The following CEP55 variants were observed in gnomAD, a reference collection of about 807,000 sequenced individuals.
CEP55 encodes centrosomal protein of 55 kDa.
Under a neutral mutation model 63.2 loss-of-function variants are expected in CEP55, and 57 were observed. The observed-to-expected ratio is 0.90, with a 90% confidence interval of 0.73 to 1.13. The LOEUF (loss-of-function observed/expected upper bound fraction) is 1.13. Ranked by LOEUF, CEP55 falls within the 50% of genes most tolerant of loss-of-function variation. The pLI is 0.00. For synonymous variants in CEP55, 178 were observed against 191.6 expected (o/e 0.93, Z 0.59); for missense variants, 456 against 518.9 (o/e 0.88, Z 1.18).
chr10:93,516,730 T>A (rs560187602), intron 5 of CEP55, among the ~76,000 whole-genome samples: 7 of 152,350 alleles, frequency 4.6e-5, no homozygotes, highest in Non-Finnish European at 8.8e-5. Flanking sequence ...TTTTTAGTTC[T>A]TCTATTTGTG....
chr10:93,502,876 G>A (rs907068705), intron 2 of CEP55, among the ~76,000 whole-genome samples: 12 of 152,154 alleles, frequency 7.9e-5, no homozygotes, highest in South Asian at 2.1e-4. Flanking sequence ...TTGTGTCTGT[G>A]CTCATTTTTT....
At chr10:93,513,111 A>G (rs943888620) in intron 4 of CEP55, among the ~76,000 whole-genome samples, 8 of 152,222 alleles carry the variant, frequency 5.3e-5, no homozygotes, top group Admixed American at 3.9e-4. Context: ...TGGATATACA[A>G]TATCTCCACT....
intron 7 of CEP55, 138 bp from the exon 8 acceptor site, chr10:93,519,544 A>G (rs1194628821): frequency 2.0e-6 from 2 of 1,024,868 alleles, no homozygotes; most frequent in East Asian, 2.5e-5. Context: ...TTAACATTTC[A>G]TGGTGCTTAG....
Position 93,506,304 on chromosome 10 carries a change from C to CA in CEP55, c.460-682dup, listed in dbSNP as rs1445772042. Among the ~76,000 whole-genome samples, 3 of 152,122 alleles carry CA rather than the reference C, an allele frequency of 2.0e-5. No homozygotes were observed. In the East Asian group the frequency reaches 5.8e-4, roughly 29 times the overall value. On this transcript the variant is annotated intron_variant, in intron 3 of 8. Transcript: ENST00000371485. ...AAAAAAAATTTTACCTTTTGTTTGA[C>CA]AATTTAATGTCTTCTAGGTGTCATT...
At chr10:93,526,211 A>C (rs2057920108) in intron 8 of CEP55, among the ~76,000 whole-genome samples, 1 of 152,260 alleles carries the variant, frequency 6.6e-6, no homozygotes, top group South Asian at 2.1e-4. Flanking sequence ...TAATATCCAG[A>C]ATCTACAAAG....
intron 8 of CEP55, among the ~76,000 whole-genome samples, chr10:93,526,172 T>G (rs1253135122): frequency 1.3e-5 from 2 of 152,182 alleles, no homozygotes; most frequent in African/African-American, 4.8e-5. Context: ...GGGAGAAAAT[T>G]TTTGCAATCT....
intron 3 of CEP55, among the ~76,000 whole-genome samples, chr10:93,505,862 TAGA>T (rs1564762342): frequency 6.6e-6 from 1 of 151,362 alleles, no homozygotes. Context: ...TTTTTTTTTT[TAGA>T]TAGAATCTTG....
chr10:93,525,738 G>C (rs909454900), intron 8 of CEP55, among the ~76,000 whole-genome samples: 4 of 151,846 alleles, frequency 2.6e-5, no homozygotes, highest in African/African-American at 9.7e-5. Flanking sequence ...CCAAAACAGA[G>C]ATATAGACCA....
At chr10:93,510,302 C>T (rs1453480447) in intron 4 of CEP55, among the ~76,000 whole-genome samples, 2 of 152,132 alleles carry the variant, frequency 1.3e-5, no homozygotes, top group East Asian at 3.9e-4. Flanking sequence ...AAGCATAGAA[C>T]TTAGGGAAGA....
Position 93,503,342 on chromosome 10 carries a change from G to C in CEP55, c.413G>C (p.Arg138Pro). ...LKQQLSAATSRIAELESKTNT... is the reference protein window; with the variant it reads ...LKQQLSAATSPIAELESKTNT... ...CAACAGTTGTCTGCTGCAACCTCAC[G>C]AATTGCTGAACTTGAAAGCAAAACC... The change falls in exon 3 of 9, where the codon CGA (arginine) becomes CCA (proline). Residue 138 changes from arginine to proline, a missense_variant. Coordinates refer to ENST00000371485, the MANE Select transcript of CEP55 (RefSeq NM_018131.5). The C allele has an allele frequency of 7.4e-6, 12 of 1,614,118 alleles. No homozygotes were observed. The highest frequency in any genetic ancestry group is 9.3e-6 in the Non-Finnish European group (11 of 1,180,012).
At chr10:93,511,174 C>G (rs1383507027) in intron 4 of CEP55, among the ~76,000 whole-genome samples, 3 of 151,786 alleles carry the variant, frequency 2.0e-5, no homozygotes, top group Non-Finnish European at 4.4e-5. Context: ...CTCCTGACCT[C>G]GTGATCTGCC....
At chr10:93,510,284 C>T (rs369675002) in intron 4 of CEP55, among the ~76,000 whole-genome samples, 6 of 151,984 alleles carry the variant, frequency 3.9e-5, no homozygotes, top group South Asian at 2.1e-4. Context: ...TTCAAATATC[C>T]GAATTTTAAG....
At chr10:93,511,147 G>T (rs2057744378) in intron 4 of CEP55, among the ~76,000 whole-genome samples, 1 of 151,814 alleles carries the variant, frequency 6.6e-6, no homozygotes, top group Non-Finnish European at 1.5e-5. Flanking sequence ...CACCATGTTG[G>T]CCAGGCTGGT....
chr10:93,516,379 C>T (rs1431254641), intron 5 of CEP55, among the ~76,000 whole-genome samples: 1 of 152,132 alleles, frequency 6.6e-6, no homozygotes, highest in South Asian at 2.1e-4. Context: ...TAAGTTGCTT[C>T]TATAAAATAT....
chr10:93,510,924 G>A (rs1017244717), intron 4 of CEP55, among the ~76,000 whole-genome samples: 13 of 147,612 alleles, frequency 8.8e-5, no homozygotes, highest in Non-Finnish European at 1.6e-4. Context: ...GACCTTTATA[G>A]CATTCCACAG....
At chr10:93,515,943 A>C (rs958402026) in intron 5 of CEP55, among the ~76,000 whole-genome samples, 1 of 152,180 alleles carries the variant, frequency 6.6e-6, no homozygotes, top group Admixed American at 6.5e-5. Flanking sequence ...TGCCTTTTTT[A>C]GATGATCCTT....
At chr10:93,519,093 TA>T (rs2057832056) in intron 7 of CEP55, 145 bp downstream of exon 7, 3 of 562,152 alleles carry the variant, frequency 5.3e-6, no homozygotes, top group East Asian at 5.9e-5. Flanking sequence ...TCTTCTTCAA[TA>T]AAAAAGATAT....
At chr10:93,518,568 T>G (rs780927016) in intron 6 of CEP55, among the ~76,000 whole-genome samples, 49 of 152,348 alleles carry the variant, frequency 3.2e-4, no homozygotes, top group South Asian at 8.3e-4. Context: ...GGCCCAGCAC[T>G]GCCACCCATG....
chr10:93,503,465 G>A, intron 3 of CEP55, 77 bp downstream of exon 3: 1 of 1,364,100 alleles, frequency 7.3e-7, no homozygotes, highest in Non-Finnish European at 1.0e-6. Context: ...GAATGAGTTT[G>A]TTAAGACATG....
Sources: gnomAD v4.1 joint callset for allele counts (sites outside exome capture counted in the v4.1 genomes callset) on GRCh38, gnomAD v4.1.1 for gene constraint, MANE v1.5 for transcripts, NCBI Gene and HGNC (gene_info 2026-07-23, HGNC 2026-07-21) for gene names.